PLEKHA5: variants seen among roughly 807,000 people sequenced by gnomAD.
The protein encoded by PLEKHA5 is pleckstrin homology domain-containing family A member 5.
A neutral mutation model predicts 181.9 loss-of-function variants in PLEKHA5; 55 were observed. That is an observed-to-expected ratio of 0.30 (90% CI 0.24 to 0.38). PLEKHA5 has a LOEUF of 0.38. Among genes scored for constraint, PLEKHA5 ranks in the 10% least tolerant of loss-of-function variants. The probability of loss-of-function intolerance (pLI) is 1.00; values close to 1 mark genes in which losing one functional copy is unlikely to be tolerated. For synonymous variants in PLEKHA5, 535 were observed against 529.4 expected (o/e 1.01, Z -0.15); for missense variants, 1,432 against 1,549.5 (o/e 0.92, Z 1.27).
chr12:19,139,278 G>T (rs1034254246), intron 3 of PLEKHA5, among the ~76,000 whole-genome samples: 1 of 152,154 alleles, frequency 6.6e-6, no homozygotes, highest in Non-Finnish European at 1.5e-5. Context: ...GGTGTGGGAG[G>T]GGGAGCCCCA....
chr12:19,225,239 T>C (rs1361589524), intron 3 of PLEKHA5, among the ~76,000 whole-genome samples: 1 of 152,118 alleles, frequency 6.6e-6, no homozygotes, highest in Non-Finnish European at 1.5e-5. Flanking sequence ...TTTTACTCCA[T>C]CTTTGGGGAG....
intron 20 of PLEKHA5, among the ~76,000 whole-genome samples, chr12:19,327,037 G>A (rs1483831826): frequency 6.6e-6 from 1 of 152,206 alleles, no homozygotes; most frequent in Admixed American, 6.5e-5. Context: ...GCAAGTGCAT[G>A]TGTATGTTTG....
At chr12:19,264,229 C>T (rs1015287241) in intron 7 of PLEKHA5, among the ~76,000 whole-genome samples, 1 of 152,058 alleles carries the variant, frequency 6.6e-6, no homozygotes, top group African/African-American at 2.4e-5. Context: ...AAAACAGATA[C>T]TAAGCATCAA....
At chr12:19,209,509 T>A (rs1328970832) in intron 3 of PLEKHA5, among the ~76,000 whole-genome samples, 1 of 152,204 alleles carries the variant, frequency 6.6e-6, no homozygotes, top group Non-Finnish European at 1.5e-5. Context: ...TTGAGCAAAC[T>A]TTCCACTCAG....
intron 18 of PLEKHA5, 25 bp from the exon 19 acceptor site, chr12:19,322,285 C>G (rs748052782): frequency 1.3e-6 from 2 of 1,508,410 alleles, no homozygotes; most frequent in East Asian, 4.5e-5. Context: ...AAATTGCTAA[C>G]AAGACATCTT....
intron 13 of PLEKHA5, chr12:19,288,196 C>A: frequency 4.7e-6 from 1 of 212,376 alleles, no homozygotes; most frequent in Admixed American, 5.3e-5. Context: ...ATCCAGCAAG[C>A]AGTTATTTGT....
At chr12:19,337,956 G>A (rs1017627365) in intron 21 of PLEKHA5, among the ~76,000 whole-genome samples, 7 of 151,480 alleles carry the variant, frequency 4.6e-5, no homozygotes, top group South Asian at 2.1e-4. Context: ...GCTTGAACCC[G>A]GGAGGTGGAG....
intron 3 of PLEKHA5, 141 bp downstream of exon 3, chr12:19,132,591 A>G: frequency 1.8e-6 from 1 of 558,746 alleles, no homozygotes; most frequent in Non-Finnish European, 3.1e-6. Context: ...TATTTTGTAT[A>G]GTGTCAGAAT....
chr12:19,322,764 T>G, intron 20 of PLEKHA5, 97 bp downstream of exon 20: 1 of 733,446 alleles, frequency 1.4e-6, no homozygotes, highest in Non-Finnish European at 2.2e-6. Flanking sequence ...TTAGGATTCT[T>G]CTATATTATT....
chr12:19,327,241 G>C (rs2417777), intron 20 of PLEKHA5, among the ~76,000 whole-genome samples: 88,754 of 141,136 alleles, frequency 0.63, 30,712 homozygotes, highest in Non-Finnish European at 0.81. Flanking sequence ...GCCAGCATCT[G>C]TTTTTGTTTT....
chr12:19,273,369 A>AT (rs2046556744), intron 10 of PLEKHA5, among the ~76,000 whole-genome samples: 1 of 150,202 alleles, frequency 6.7e-6, no homozygotes, highest in South Asian at 2.1e-4. Context: ...TTTTTTTTTA[A>AT]TTTTTTTTCC....
intron 15 of PLEKHA5, among the ~76,000 whole-genome samples, chr12:19,305,752 C>T (rs768946116): frequency 3.4e-5 from 5 of 147,934 alleles, no homozygotes; most frequent in Admixed American, 1.4e-4. Context: ...CCCAGCTGCT[C>T]GGGAGTCTGA....
At chr12:19,373,380 C>CA (rs1315513654) in intron 31 of PLEKHA5, 2,369 of 114,576 alleles carry the variant, frequency 0.021, 31 homozygotes, top group African/African-American at 0.054. Context: ...GACTTTGTCT[C>CA]AAAAAAAAAA....
intron 3 of PLEKHA5, among the ~76,000 whole-genome samples, chr12:19,170,198 G>A (rs886664011): frequency 1.3e-5 from 2 of 152,126 alleles, no homozygotes; most frequent in African/African-American, 4.8e-5. Flanking sequence ...TTCATTCGTT[G>A]ATAAAATCAA....
chr12:19,200,919 G>T (rs1372515718), intron 3 of PLEKHA5: 1 of 125,990 alleles, frequency 7.9e-6, no homozygotes, highest in East Asian at 2.2e-4. Flanking sequence ...TTAGAAAAAA[G>T]AGATTATTTG....
chr12:19,365,789 A>G (rs1316092815), intron 29 of PLEKHA5, among the ~76,000 whole-genome samples, 175 bp from the exon 30 acceptor site: 1 of 152,220 alleles, frequency 6.6e-6, no homozygotes, highest in Admixed American at 6.6e-5. Flanking sequence ...ATGAATATAC[A>G]GGTTTATTAT....
intron 3 of PLEKHA5, among the ~76,000 whole-genome samples, chr12:19,188,001 A>G (rs1420291152): frequency 6.6e-6 from 1 of 152,122 alleles, no homozygotes; most frequent in African/African-American, 2.4e-5. Context: ...TTACTTACAT[A>G]TTTGTGTTTT....
chr12:19,222,300 A>T (rs949383390), intron 3 of PLEKHA5, among the ~76,000 whole-genome samples: 1 of 152,016 alleles, frequency 6.6e-6, no homozygotes, highest in African/African-American at 2.4e-5. Flanking sequence ...ATTTATGTTC[A>T]TTTCCTAGTG....
intron 3 of PLEKHA5, among the ~76,000 whole-genome samples, chr12:19,250,741 G>T (rs190964814): frequency 2.1e-3 from 321 of 152,116 alleles, no homozygotes; most frequent in African/African-American, 7.4e-3. Flanking sequence ...GTGACACCTT[G>T]TTTCAGTGTC....
Sources: gnomAD v4.1 joint callset for allele counts (sites outside exome capture counted in the v4.1 genomes callset) on GRCh38, gnomAD v4.1.1 for gene constraint, MANE v1.5 for transcripts, NCBI Gene and HGNC (gene_info 2026-07-23, HGNC 2026-07-21) for gene names.